Variants in IL6ST observed in about 807,000 individuals in gnomAD.
IL6ST encodes interleukin-6 receptor subunit beta.
A neutral mutation model predicts 91.3 loss-of-function variants in IL6ST; 24 were observed. The ratio of observed to expected loss-of-function variants is 0.26; its 90% CI spans 0.19 to 0.37. The LOEUF is 0.37. IL6ST is among the 10% of genes least tolerant of loss of function. IL6ST has a pLI of 1.00. For missense variants in IL6ST, 914 were observed against 1,078.5 expected (o/e 0.85, Z 2.14); for synonymous variants, 351 against 373.6 (o/e 0.94, Z 0.70).
At chr5:55,962,219 ATT>A (rs984947991) in intron 7 of IL6ST, among the ~76,000 whole-genome samples, 11 of 152,212 alleles carry the variant, frequency 7.2e-5, no homozygotes, top group Admixed American at 2.6e-4. Flanking sequence ...CATTAATCCA[ATT>A]TTGTTTTATT....
At chr5:55,973,090 A>T (rs535054540) in intron 3 of IL6ST, among the ~76,000 whole-genome samples, 94 of 152,290 alleles carry the variant, frequency 6.2e-4, no homozygotes, top group African/African-American at 2.2e-3. Context: ...ATATTTTGCT[A>T]CTTTTATAGG....
chr5:55,992,457 A>G (rs1174453331), intron 1 of IL6ST, among the ~76,000 whole-genome samples: 3 of 152,178 alleles, frequency 2.0e-5, no homozygotes, highest in Admixed American at 6.5e-5. Context: ...GGGTTTCCCT[A>G]TGTGTAAAAA....
chr5:55,982,730 C>T lies in IL6ST; in HGVS notation c.-22G>A, dbSNP rs1460682590. 1 of 398,160 alleles carries T rather than the reference C, an allele frequency of 2.5e-6. No individual in the cohort carries two copies. Among genetic ancestry groups the T allele is most frequent in the Non-Finnish European group, 4.4e-6 (1 of 225,934 alleles). 24.7% of individuals were successfully genotyped at this position (398,160 alleles called of 1,614,324 possible). On this transcript the variant is annotated 5_prime_UTR_variant, in exon 2 of 17. The change abolishes the stop of an existing upstream ORF in the 5' untranslated region. Coordinates refer to ENST00000381298, the MANE Select transcript of IL6ST (RefSeq NM_002184.4). Reference sequence around the variant, plus strand: ...GACAAGATCAATTACTTACCCAAATCACAAAATTAGTAAGTGAAGGAGTAG... The same window carrying T: ...GACAAGATCAATTACTTACCCAAATTACAAAATTAGTAAGTGAAGGAGTAG...
chr5:55,945,207 A>G (rs189222719), intron 15 of IL6ST, among the ~76,000 whole-genome samples: 1 of 152,328 alleles, frequency 6.6e-6, no homozygotes, highest in African/African-American at 2.4e-5. Context: ...ACTTCTTTAA[A>G]AAAAGAACAC....
chr5:55,989,499 C>A (rs747637907), intron 1 of IL6ST, among the ~76,000 whole-genome samples: 1 of 152,098 alleles, frequency 6.6e-6, no homozygotes, highest in Non-Finnish European at 1.5e-5. Context: ...TATTGAAAAA[C>A]ACATAGAATA....
chr5:55,960,587 G>T, intron 7 of IL6ST, 26 bp from the exon 8 acceptor site: 1 of 1,594,126 alleles, frequency 6.3e-7, no homozygotes, highest in Non-Finnish European at 8.5e-7. Context: ...CCAAACAACA[G>T]AAAACCTCAA....
At chr5:55,980,474 C>G (rs973750652) in intron 2 of IL6ST, among the ~76,000 whole-genome samples, 42 of 152,186 alleles carry the variant, frequency 2.8e-4, no homozygotes, top group African/African-American at 9.4e-4. Context: ...CACTTGAACC[C>G]GGGAGGCGGA....
chr5:55,957,123 A>G (rs1311558044), intron 9 of IL6ST, 86 bp downstream of exon 9: 2 of 661,562 alleles, frequency 3.0e-6, no homozygotes, highest in Non-Finnish European at 5.0e-6. Flanking sequence ...ACGCCACTAC[A>G]CTCCTGCCTG....
rs142314332 is a variant in IL6ST, at chr5:55,956,888, G to A, written c.1056+321C>T. Among the ~76,000 whole-genome samples the A allele has an allele frequency of 3.3e-5, 5 of 152,226 alleles. No homozygotes were observed. In the East Asian group the frequency reaches 7.7e-4, roughly 23 times the overall value. ...AAATGTATTTATAAGGGCTGGGCGC[G>A]GTGGCTCATGCCTGTAATCCCAGTA... On this transcript the variant is annotated intron_variant, in intron 9 of 16. Coordinates refer to ENST00000381298, the MANE Select transcript of IL6ST (RefSeq NM_002184.4).
chr5:55,966,538 G>A (rs1321285525), intron 5 of IL6ST, among the ~76,000 whole-genome samples: 1 of 152,056 alleles, frequency 6.6e-6, no homozygotes, highest in Non-Finnish European at 1.5e-5. Flanking sequence ...CTGAACTCTA[G>A]TTCATGTAAA....
rs1443911743 is a variant in IL6ST, at chr5:55,956,155, A to G, written c.1137T>C (p.Asn379=). 1 of 1,612,854 alleles carries G rather than the reference A, an allele frequency of 6.2e-7. No individual in the cohort carries two copies. The highest frequency in any genetic ancestry group is 1.3e-5 in the African/African-American group (1 of 75,034). Residue 379 remains asparagine, a synonymous_variant, in exon 10 of 17, where the codon AAT becomes AAC. Transcript: ENST00000381298. ...TCAGTTTTGTGGCATTAACTGTGTA[A>G]TTTTGTAAATGTGATTTCCATCTTG... The part of the protein sequence containing the change: ...TLTRWKSHLQ[N]YTVNATKLTV...
In IL6ST at chr5:55,938,495, T is replaced by C. The variant is rs1339500316; in HGVS notation, c.*2587A>G. ...ATGTAACATTTGGGTCATTATTTTA[T>C]AACCCTAAAGGGAGCAACTGCAGGT... On this transcript the variant is annotated 3_prime_UTR_variant, in exon 17 of 17. Transcript: ENST00000381298. The C allele has an allele frequency of 3.0e-5, 6 of 197,176 alleles. No individual in the cohort carries two copies. Among genetic ancestry groups the C allele is most frequent in the Non-Finnish European group, 6.3e-5 (6 of 95,148 alleles). 12.2% of individuals were successfully genotyped at this position (197,176 alleles called of 1,614,324 possible). A position where few individuals can be genotyped will look rare whatever the true frequency, so the allele number is the denominator to read the frequency against.
intron 15 of IL6ST, among the ~76,000 whole-genome samples, chr5:55,943,852 C>T (rs185220073): frequency 2.1e-4 from 32 of 152,124 alleles, no homozygotes; most frequent in African/African-American, 6.3e-4. Flanking sequence ...GGTGGATTAC[C>T]TGAGGTCAGG....
At chr5:55,980,780 A>G (rs997984557) in intron 2 of IL6ST, among the ~76,000 whole-genome samples, 1 of 152,200 alleles carries the variant, frequency 6.6e-6, no homozygotes, top group African/African-American at 2.4e-5. Flanking sequence ...TTGATGAGAA[A>G]TGGCTTCCTA....
In IL6ST at chr5:55,966,417, T is replaced by C. The variant is rs552261616; in HGVS notation, c.491+1859A>G. Among the ~76,000 whole-genome samples, 5 of 152,360 alleles carry C rather than the reference T, an allele frequency of 3.3e-5. No individual in the cohort carries two copies. In the South Asian group the frequency reaches 6.2e-4, roughly 19 times the overall value. ...TTTTAGGTGTGTTAGTCATGTTCTA[T>C]GTCTTGATACTGATTGAGTTACACA... On this transcript the variant is annotated intron_variant, in intron 5 of 16. Coordinates refer to ENST00000381298, the MANE Select transcript of IL6ST (RefSeq NM_002184.4).
At chr5:55,984,852 T>C (rs530058001) in intron 1 of IL6ST, among the ~76,000 whole-genome samples, 51 of 152,104 alleles carry the variant, frequency 3.4e-4, no homozygotes, top group African/African-American at 1.2e-3. Context: ...AGGGATACTG[T>C]AACAAAGGGA....
At position 55,951,539 on chromosome 5, in the gene IL6ST, T is replaced by C. The variant is rs760896280; in HGVS notation, c.1765A>G (p.Met589Val). 3 of 1,610,652 alleles carry C rather than the reference T, an allele frequency of 1.9e-6. No individual in the cohort carries two copies. Among genetic ancestry groups the C allele is most frequent in the Non-Finnish European group, 2.5e-6 (3 of 1,176,854 alleles). ...TCTGTGTATGCTGCCATTCGTACCA[T>C]GTACAATGTGTCACTAGTCAAAGAG... is the stretch of plus-strand genomic sequence containing the variant. Reference protein sequence around the residue: ...LSSLTSDTLYMVRMAAYTDEG... With the variant: ...LSSLTSDTLYVVRMAAYTDEG... Residue 589 changes from methionine to valine, a missense_variant, in exon 14 of 17, where the codon ATG becomes GTG. Coordinates refer to ENST00000381298, the MANE Select transcript of IL6ST (RefSeq NM_002184.4).
At chr5:55,960,039 C>A (rs1156427089) in intron 8 of IL6ST, among the ~76,000 whole-genome samples, 1 of 152,058 alleles carries the variant, frequency 6.6e-6, no homozygotes, top group Non-Finnish European at 1.5e-5. Context: ...GCGCCCACCA[C>A]CACGCCCGGC....
chr5:55,991,476 A>G (rs1410063911), intron 1 of IL6ST, among the ~76,000 whole-genome samples: 2 of 151,946 alleles, frequency 1.3e-5, no homozygotes, highest in East Asian at 3.9e-4. Context: ...ACTCTCTACC[A>G]CAAACTAACC....
Sources: allele counts gnomAD v4.1 joint callset (sites outside exome capture counted in the v4.1 genomes callset), GRCh38; gene constraint gnomAD v4.1.1; transcripts MANE v1.5; gene names NCBI Gene and HGNC (gene_info 2026-07-23, HGNC 2026-07-21).